Variants in TC2N observed in about 807,000 individuals in gnomAD.
The protein encoded by TC2N is tandem C2 domains, nuclear.
In TC2N, 51 loss-of-function variants were observed where a neutral mutation model predicts 61.9. The observed-to-expected ratio is 0.82, with a 90% CI of 0.66 to 1.04. TC2N has a LOEUF of 1.04. Ranked by LOEUF, TC2N falls within the 50% of genes least tolerant of loss-of-function variation. The pLI, the probability that TC2N is intolerant of heterozygous loss-of-function variation, is 0.00. For synonymous variants in TC2N, 204 were observed against 192.6 expected, an observed-to-expected ratio of 1.06 and a Z score of -0.49; for missense variants, 556 against 566.7, an observed-to-expected ratio of 0.98 and a Z score of 0.19.
At chr14:91,844,760 C>CAAAAA (rs34223127) in intron 1 of TC2N, among the ~76,000 whole-genome samples, 5 of 92,552 alleles carry the variant, frequency 5.4e-5, no homozygotes, top group African/African-American at 2.0e-4. Flanking sequence ...GACTCTGTCT[C>CAAAAA]AAAAAAAAAA....
At position 91,782,944 on chromosome 14, in the gene TC2N, C is replaced by G; in HGVS notation, c.*156G>C. The G allele has an allele frequency of 2.0e-6, 1 of 497,944 alleles. No homozygotes were observed. Among genetic ancestry groups the G allele is most frequent in the Non-Finnish European group, 3.5e-6 (1 of 282,176 alleles). The allele number at this position is 497,944 out of a possible 1,614,324, so 30.8% of individuals were successfully genotyped here. The stretch of plus-strand genomic sequence containing the variant: ...TATCTGATAAAATTCATTACATTTT[C>G]TTATCAAATTTTCTATCAGATACAT... On this transcript the variant is annotated 3_prime_UTR_variant, in exon 12 of 12. Transcript: ENST00000435962.
Position 91,812,547 on chromosome 14 carries a change from T to G in TC2N, c.68-2A>C. 1 of 1,508,712 alleles carries G rather than the reference T, an allele frequency of 6.6e-7. No individual in the cohort carries two copies. Among genetic ancestry groups the G allele is most frequent in the East Asian group, 2.3e-5 (1 of 44,050 alleles). 93.5% of individuals were successfully genotyped at this position (1,508,712 alleles called of 1,614,324 possible). A position where few individuals can be genotyped will look rare whatever the true frequency, so the allele number is the denominator to read the frequency against. ...CTTTAAAATCTCTTTCCACAGAAAC[T>G]GCATATAAAAGAAAAAAAAAGTCAC... On this transcript the variant is annotated splice_acceptor_variant, in intron 2 of 11. Coordinates refer to ENST00000435962, the MANE Select transcript of TC2N (RefSeq NM_001128596.3). LOFTEE classifies it high-confidence loss of function.
At chr14:91,794,073 A>T (rs952564050) in intron 8 of TC2N, among the ~76,000 whole-genome samples, 4 of 152,200 alleles carry the variant, frequency 2.6e-5, no homozygotes, top group African/African-American at 9.6e-5. Context: ...CTGGAGAGAA[A>T]ATCAAATCAG....
chr14:91,805,631 C>T (rs1326264319), intron 3 of TC2N, among the ~76,000 whole-genome samples: 1 of 151,734 alleles, frequency 6.6e-6, no homozygotes, highest in South Asian at 2.1e-4. Flanking sequence ...TGCCACTGCA[C>T]TCCAGCTTGG....
At chr14:91,793,392 A>G (rs1170836687) in intron 8 of TC2N, among the ~76,000 whole-genome samples, 1 of 152,212 alleles carries the variant, frequency 6.6e-6, no homozygotes, top group Non-Finnish European at 1.5e-5. Flanking sequence ...TTTTGAATAC[A>G]GGCATACCTC....
In TC2N at chr14:91,864,969, C is replaced by T. The variant is rs146862030; in HGVS notation, c.-57+2293G>A. ...CTAATTTTTGTATTTTTAGTAGAGA[C>T]GGGTTTCACCATGTCGACCAGGCTG... On this transcript the variant is annotated intron_variant, in intron 1 of 11. Coordinates refer to ENST00000435962, the MANE Select transcript of TC2N (RefSeq NM_001128596.3). Among the ~76,000 whole-genome samples the T allele has an allele frequency of 6.6e-3, 998 of 151,940 alleles. 9 individuals are homozygous for T. Among genetic ancestry groups the T allele is most frequent in the African/African-American group, 0.022 (922 of 41,406 alleles).
intron 1 of TC2N, among the ~76,000 whole-genome samples, chr14:91,850,733 C>T (rs1452496279): frequency 6.6e-6 from 1 of 152,180 alleles, no homozygotes; most frequent in African/African-American, 2.4e-5. Context: ...GAGTTCAAGA[C>T]CAGCCTGGCC....
intron 1 of TC2N, among the ~76,000 whole-genome samples, chr14:91,855,965 T>C (rs1245718579): frequency 6.6e-6 from 1 of 152,024 alleles, no homozygotes; most frequent in East Asian, 1.9e-4. Flanking sequence ...AGTAATATCA[T>C]CTAGATCTCA....
rs1491549545 is a variant in TC2N at position 91,865,368 on chromosome 14, GGT to G, written c.-57+1892_-57+1893del. ...GCACTCCTTTGTCTTGGAGCCTCTT[GGT>G]TTTTTTTTTTTTTTTTTTTTAAAAA... On this transcript the variant is annotated intron_variant, in intron 1 of 11. Coordinates refer to ENST00000435962, the MANE Select transcript of TC2N (RefSeq NM_001128596.3). Among the ~76,000 whole-genome samples the G allele has an allele frequency of 1.4e-3, 178 of 123,428 alleles. 1 individual carries two copies. Among genetic ancestry groups the G allele is most frequent in the African/African-American group, 6.2e-3 (174 of 28,208 alleles). The allele number at this position is 123,428 out of a possible 152,430, so 81.0% of individuals were successfully genotyped here. A position where few individuals can be genotyped will look rare whatever the true frequency, so the allele number is the denominator to read the frequency against.
At chr14:91,784,280 A>G (rs1437150228) in intron 11 of TC2N, among the ~76,000 whole-genome samples, 1 of 152,160 alleles carries the variant, frequency 6.6e-6, no homozygotes, top group Admixed American at 6.5e-5. Context: ...TGACTTCATA[A>G]AGGCTTAATG....
intron 1 of TC2N, among the ~76,000 whole-genome samples, chr14:91,838,642 G>A (rs1253326330): frequency 1.3e-5 from 2 of 152,242 alleles, no homozygotes; most frequent in East Asian, 3.8e-4. Flanking sequence ...ATTGAAGTGA[G>A]CTGATGCTTG....
At chr14:91,844,266 C>T (rs1048446309) in intron 1 of TC2N, among the ~76,000 whole-genome samples, 2 of 152,126 alleles carry the variant, frequency 1.3e-5, no homozygotes, top group Non-Finnish European at 1.5e-5. Flanking sequence ...GTTTGGCAGC[C>T]TGAGCAACTC....
Position 91,797,882 on chromosome 14 carries a change from G to C in TC2N, c.758C>G (p.Pro253Arg). 1 of 1,599,498 alleles carries C rather than the reference G, an allele frequency of 6.3e-7. No individual in the cohort carries two copies. The highest frequency in any genetic ancestry group is 2.3e-5 in the East Asian group (1 of 44,400). Residue 253 changes from proline (P) to arginine (R), a missense_variant, in exon 8 of 12, where the codon CCC becomes CGC. Pro to Arg is a moderately radical substitution (Grantham distance 103). Transcript: ENST00000435962. ...AGTAGGAGTGTCTCCATAACTAGAG[G>C]GCCAACTTAAATCTCTGCACTAAAA... is the stretch of plus-strand genomic sequence containing the variant. Reference protein sequence around the residue: ...TVLQCRDLSWPSSYGDTPTVS... With the variant: ...TVLQCRDLSWRSSYGDTPTVS...
At chr14:91,865,570 C>T (rs569577808) in intron 1 of TC2N, among the ~76,000 whole-genome samples, 60 of 151,790 alleles carry the variant, frequency 4.0e-4, no homozygotes, top group Non-Finnish European at 6.6e-4. Context: ...TAAGTGCTCA[C>T]GTTTTTTTTC....
chr14:91,840,051 T>C (rs148859522), intron 1 of TC2N, among the ~76,000 whole-genome samples: 6 of 152,210 alleles, frequency 3.9e-5, no homozygotes, highest in African/African-American at 1.4e-4. Context: ...TTCACCCCAC[T>C]GTCTCCCTCT....
rs140660852 is a variant in TC2N, at chr14:91,808,837, T to C, written c.301+3475A>G. 1.7e-3 allele frequency among the ~76,000 whole-genome samples: 261 copies of C among 152,272 alleles called. 3 individuals are homozygous for C. The highest frequency in any genetic ancestry group is 0.017 in the East Asian group (88 of 5,186). On this transcript the variant is annotated intron_variant, in intron 3 of 11. Coordinates refer to ENST00000435962, the MANE Select transcript of TC2N (RefSeq NM_001128596.3). Reference sequence around the variant, plus strand: ...AAATTATTTAAGAATAGAAAATTCATTAAAAAAATTACAGTATGTCCATAT... The same window carrying C: ...AAATTATTTAAGAATAGAAAATTCACTAAAAAAATTACAGTATGTCCATAT...
intron 1 of TC2N, among the ~76,000 whole-genome samples, chr14:91,846,809 T>G (rs936549588): frequency 1.3e-5 from 2 of 152,370 alleles, no homozygotes; most frequent in Middle Eastern, 3.4e-3. Flanking sequence ...GCATTGTGAC[T>G]GAGGGCTGTT....
intron 1 of TC2N, among the ~76,000 whole-genome samples, chr14:91,836,908 T>A (rs1888047436): frequency 6.6e-6 from 1 of 152,166 alleles, no homozygotes. Flanking sequence ...TATGCACACT[T>A]TACTTAGAAG....
intron 1 of TC2N, among the ~76,000 whole-genome samples, chr14:91,862,209 G>T (rs1187488787): frequency 6.6e-6 from 1 of 151,372 alleles, no homozygotes; most frequent in South Asian, 2.1e-4. Flanking sequence ...GCGTGGTGGC[G>T]GGCACATGTG....
Sources: gnomAD v4.1 joint callset for allele counts (sites outside exome capture counted in the v4.1 genomes callset) on GRCh38, gnomAD v4.1.1 for gene constraint, MANE v1.5 for transcripts, NCBI Gene and HGNC (gene_info 2026-07-23, HGNC 2026-07-21) for gene names.